DOCK2: variants seen among roughly 807,000 people sequenced by gnomAD.
DOCK2 encodes the protein dedicator of cytokinesis 2.
DOCK2 carries 87 observed loss-of-function variants against 248.9 expected under a neutral mutation model. The ratio of observed to expected loss-of-function variants is 0.35; its 90% CI spans 0.29 to 0.42. The LOEUF is 0.42. Among genes scored for constraint, DOCK2 ranks in the 10% least tolerant of loss-of-function variants. DOCK2 has a pLI of 1.00. For synonymous variants in DOCK2, 805 were observed against 821.6 expected, an observed-to-expected ratio of 0.98 and a Z score of 0.35; for missense variants, 1,747 against 2,300.2, an observed-to-expected ratio of 0.76 and a Z score of 4.92.
chr5:169,954,768 C>T (rs1776795432), intron 27 of DOCK2, among the ~76,000 whole-genome samples: 1 of 152,106 alleles, frequency 6.6e-6, no homozygotes, highest in Admixed American at 6.5e-5. Context: ...CTCTCAAAAC[C>T]CAGGGGAGTG....
chr5:170,042,855 A>G (rs1175657555), intron 38 of DOCK2, among the ~76,000 whole-genome samples: 1 of 152,208 alleles, frequency 6.6e-6, no homozygotes, highest in Non-Finnish European at 1.5e-5. Flanking sequence ...GAATGCTATG[A>G]GAGCAGAGAC....
chr5:169,771,112 G>A (rs995111006), intron 25 of DOCK2, among the ~76,000 whole-genome samples: 1 of 152,166 alleles, frequency 6.6e-6, no homozygotes, highest in Non-Finnish European at 1.5e-5. Flanking sequence ...CTTTAATGCT[G>A]GATATTGCCC....
At chr5:169,835,803 C>T (rs1363869463) in intron 26 of DOCK2, among the ~76,000 whole-genome samples, 1 of 151,812 alleles carries the variant, frequency 6.6e-6, no homozygotes, top group East Asian at 1.9e-4. Context: ...TCCCTGTTGC[C>T]CAGGCTGGAG....
intron 1 of DOCK2, among the ~76,000 whole-genome samples, chr5:169,643,823 G>A (rs530230246): frequency 6.6e-6 from 1 of 152,258 alleles, no homozygotes; most frequent in African/African-American, 2.4e-5. Context: ...TCTGAATGGG[G>A]TAATAGGCAT....
intron 7 of DOCK2, among the ~76,000 whole-genome samples, chr5:169,682,366 A>C (rs1759713711): frequency 6.6e-6 from 1 of 152,228 alleles, no homozygotes; most frequent in Non-Finnish European, 1.5e-5. Flanking sequence ...CAGAGGGCAC[A>C]GCAGGTGCAA....
chr5:169,882,949 T>C, intron 27 of DOCK2: 3 of 1,551,814 alleles, frequency 1.9e-6, no homozygotes, highest in East Asian at 2.4e-5. Context: ...TGGCTGGCTG[T>C]GGGAGCCTTG....
chr5:169,642,515 G>A (rs1561898977), intron 1 of DOCK2, among the ~76,000 whole-genome samples: 1 of 152,326 alleles, frequency 6.6e-6, no homozygotes, highest in South Asian at 2.1e-4. Context: ...GCCAATGCTT[G>A]GAGGGATATT....
chr5:169,660,185 G>A (rs10067009), intron 2 of DOCK2, among the ~76,000 whole-genome samples: 1 of 151,936 alleles, frequency 6.6e-6, no homozygotes, highest in Non-Finnish European at 1.5e-5. Flanking sequence ...TTGGGGTGGA[G>A]GAACTGTATC....
At position 170,077,598 on chromosome 5, in the gene DOCK2, T is replaced by C. The variant is rs1030250125; in HGVS notation, c.4867-112T>C. ...CAGCCAGGAACTTTTGTGCTGATGCTCCACTCAGCCCCACAACTCTGCCCT... is the reference window on the plus strand; with the variant it reads ...CAGCCAGGAACTTTTGTGCTGATGCCCCACTCAGCCCCACAACTCTGCCCT... On this transcript the variant is annotated intron_variant, in intron 47 of 51. Coordinates refer to ENST00000520908, the MANE Select transcript of DOCK2 (RefSeq NM_004946.3). 2.7e-6 allele frequency: 4 copies of C among 1,474,388 alleles called. No individual in the cohort carries two copies. The African/African-American group carries it at 5.6e-5, about 21-fold the overall frequency. 91.3% of individuals were successfully genotyped at this position (1,474,388 alleles called of 1,614,324 possible). A position where few individuals can be genotyped will look rare whatever the true frequency, so the allele number is the denominator to read the frequency against.
intron 6 of DOCK2, among the ~76,000 whole-genome samples, chr5:169,676,970 C>T (rs1383760089): frequency 6.6e-6 from 1 of 152,160 alleles, no homozygotes; most frequent in Non-Finnish European, 1.5e-5. Flanking sequence ...AAGCACTTTC[C>T]ATATATTAAC....
chr5:169,664,482 ATTCTGTTTTC>A (rs1758611084), intron 2 of DOCK2, among the ~76,000 whole-genome samples: 2 of 152,196 alleles, frequency 1.3e-5, no homozygotes, highest in South Asian at 4.1e-4. Flanking sequence ...TTTCTGTATT[ATTCTGTTTTC>A]ACACTGTTAT....
intron 25 of DOCK2, among the ~76,000 whole-genome samples, chr5:169,782,500 G>GC (rs1485210749): frequency 2.2e-5 from 3 of 137,458 alleles, no homozygotes; most frequent in Non-Finnish European, 3.2e-5. Flanking sequence ...TTCCTCCTTA[G>GC]TTTTTTTTTT....
intron 25 of DOCK2, among the ~76,000 whole-genome samples, chr5:169,799,314 A>G (rs974749434): frequency 6.6e-6 from 1 of 152,178 alleles, no homozygotes; most frequent in Admixed American, 6.5e-5. Flanking sequence ...ATAATGCACA[A>G]TTTTTATCTT....
chr5:170,010,950 G>A (rs1002308981), intron 32 of DOCK2, among the ~76,000 whole-genome samples: 4 of 152,198 alleles, frequency 2.6e-5, no homozygotes, highest in African/African-American at 9.7e-5. Context: ...GTTTTGGCAG[G>A]CATTCCTGCA....
rs370105611 is a variant in DOCK2 at position 169,959,065 on chromosome 5, G to T, written c.2800-24003G>T. ...AACATATGAAAATGTAGGTAGCATT[G>T]CAGAATATTCTGATGAGTAGAAATC... On this transcript the variant is annotated intron_variant, in intron 27 of 51. Coordinates refer to ENST00000520908, the MANE Select transcript of DOCK2 (RefSeq NM_004946.3). Among the ~76,000 whole-genome samples, 26 of 152,222 alleles carry T rather than the reference G, an allele frequency of 1.7e-4. 1 individual carries two copies. In the South Asian group the frequency reaches 5.0e-3, roughly 29 times the overall value.
At chr5:169,734,416 A>G (rs1762934304) in intron 22 of DOCK2, among the ~76,000 whole-genome samples, 1 of 152,038 alleles carries the variant, frequency 6.6e-6, no homozygotes, top group African/African-American at 2.4e-5. Flanking sequence ...TTCTTTATGC[A>G]TTTTGTTGTT....
chr5:169,800,341 C>T (rs567519456), intron 25 of DOCK2, among the ~76,000 whole-genome samples: 1 of 152,232 alleles, frequency 6.6e-6, no homozygotes, highest in South Asian at 2.1e-4. Flanking sequence ...ACCAGTGTTC[C>T]CTAAATCCTC....
chr5:169,671,402 C>T (rs1048593289), intron 5 of DOCK2, among the ~76,000 whole-genome samples: 7 of 152,264 alleles, frequency 4.6e-5, no homozygotes, highest in Non-Finnish European at 8.8e-5. Flanking sequence ...TGTGAACCTT[C>T]GGTGTTTAGT....
At position 169,745,337 on chromosome 5, in the gene DOCK2, G is replaced by T. The variant is rs1292454450; in HGVS notation, c.2268-2059G>T. 2.0e-5 allele frequency among the ~76,000 whole-genome samples: 3 copies of T among 152,206 alleles called. No homozygotes were observed. In the East Asian group the frequency reaches 5.8e-4, roughly 29 times the overall value. On this transcript the variant is annotated intron_variant, in intron 22 of 51. Transcript: ENST00000520908. The stretch of plus-strand genomic sequence containing the variant: ...TCTGTTTCCTTATCTGTGAAGTGGG[G>T]ATGAGAGCAATGATAATCATGCTAC...
Sources: allele counts gnomAD v4.1 joint callset (sites outside exome capture counted in the v4.1 genomes callset), GRCh38; gene constraint gnomAD v4.1.1; transcripts MANE v1.5; gene names NCBI Gene and HGNC (gene_info 2026-07-23, HGNC 2026-07-21).